Variants in TBCA observed in about 807,000 individuals in gnomAD.
The protein encoded by TBCA is tubulin folding cofactor A.
Under a neutral mutation model 15.8 loss-of-function variants are expected in TBCA, and 6 were observed. The observed-to-expected ratio is 0.38, with a 90% CI of 0.21 to 0.75. The LOEUF is 0.75. Ranked by LOEUF, TBCA falls within the 30% of genes least tolerant of loss-of-function variation. The pLI is 0.46. For missense variants in TBCA, 90 were observed against 131.2 expected, an observed-to-expected ratio of 0.69 and a Z score of 1.53; for synonymous variants, 32 against 42.3, an observed-to-expected ratio of 0.76 and a Z score of 0.94.
chr5:77,734,832 AG>A (rs1746860045), intron 1 of TBCA, among the ~76,000 whole-genome samples: 1 of 152,210 alleles, frequency 6.6e-6, no homozygotes, highest in African/African-American at 2.4e-5. Flanking sequence ...TCTTATTTTA[AG>A]AAATTGCCAC....
At chr5:77,711,615 T>C (rs2112443256) in intron 1 of TBCA, among the ~76,000 whole-genome samples, 1 of 152,268 alleles carries the variant, frequency 6.6e-6, no homozygotes, top group Non-Finnish European at 1.5e-5. Context: ...TATAAAACAA[T>C]TCTGAAGCAG....
chr5:77,752,031 T>C (rs909004053), intron 1 of TBCA, among the ~76,000 whole-genome samples: 2 of 152,196 alleles, frequency 1.3e-5, no homozygotes, highest in Non-Finnish European at 2.9e-5. Flanking sequence ...CTCCTGTGCA[T>C]CTGGATCACA....
chr5:77,712,604 T>C (rs1172209320), intron 1 of TBCA, among the ~76,000 whole-genome samples: 1 of 152,150 alleles, frequency 6.6e-6, no homozygotes, highest in African/African-American at 2.4e-5. Flanking sequence ...AAATCACTCA[T>C]AATCACTACA....
intron 1 of TBCA, among the ~76,000 whole-genome samples, chr5:77,735,628 A>T (rs928654495): frequency 3.3e-5 from 5 of 152,228 alleles, no homozygotes; most frequent in African/African-American, 1.2e-4. Context: ...TTCCTAAAAT[A>T]GGATTAATCA....
chr5:77,695,040 T>C (rs1211883649), intron 2 of TBCA, among the ~76,000 whole-genome samples: 1 of 152,220 alleles, frequency 6.6e-6, no homozygotes, highest in Non-Finnish European at 1.5e-5. Context: ...TCTTAGTGGC[T>C]TTTTCCTATT....
intron 1 of TBCA, among the ~76,000 whole-genome samples, chr5:77,762,111 A>G (rs994436116): frequency 5.9e-5 from 9 of 152,350 alleles, no homozygotes; most frequent in African/African-American, 2.2e-4. Context: ...GAAGGACAGT[A>G]GATACTGGAA....
At chr5:77,704,182 G>A (rs998937264) in intron 2 of TBCA, among the ~76,000 whole-genome samples, 3 of 152,210 alleles carry the variant, frequency 2.0e-5, no homozygotes, top group African/African-American at 7.2e-5. Context: ...CTAGCCCCAG[G>A]CTAGTCTCAA....
At chr5:77,705,030 G>C (rs1455653449) in intron 2 of TBCA, among the ~76,000 whole-genome samples, 1 of 152,132 alleles carries the variant, frequency 6.6e-6, no homozygotes, top group African/African-American at 2.4e-5. Context: ...AATGTAACTA[G>C]TGTGTGGCTG....
chr5:77,719,153 GC>G (rs371807634), intron 1 of TBCA, among the ~76,000 whole-genome samples: 114 of 152,248 alleles, frequency 7.5e-4, no homozygotes, highest in African/African-American at 2.6e-3. Flanking sequence ...ACTATCGTCA[GC>G]CTCATTTTCA....
intron 1 of TBCA, among the ~76,000 whole-genome samples, chr5:77,737,425 G>A (rs902464320): frequency 7.9e-5 from 12 of 152,160 alleles, no homozygotes; most frequent in Admixed American, 1.3e-4. Context: ...AGAAAGTACA[G>A]TATTCCATAA....
intron 1 of TBCA, among the ~76,000 whole-genome samples, chr5:77,775,134 A>G (rs254418): frequency 0.86 from 130,540 of 152,114 alleles, 56,467 homozygotes; most frequent in Non-Finnish European, 0.92. Flanking sequence ...TGGGACAAAG[A>G]ACAGAACTCA....
chr5:77,728,161 T>C (rs1054980570), intron 1 of TBCA, among the ~76,000 whole-genome samples: 2 of 152,102 alleles, frequency 1.3e-5, no homozygotes, highest in Non-Finnish European at 2.9e-5. Context: ...ATTAGAATAA[T>C]ACATTTCAAA....
intron 1 of TBCA, among the ~76,000 whole-genome samples, chr5:77,715,605 G>A (rs1330932207): frequency 6.6e-6 from 1 of 152,046 alleles, no homozygotes; most frequent in Non-Finnish European, 1.5e-5. Context: ...GCAACAAATG[G>A]TTATGGTTGT....
At chr5:77,745,832 T>C (rs1747173437) in intron 1 of TBCA, among the ~76,000 whole-genome samples, 1 of 152,218 alleles carries the variant, frequency 6.6e-6, no homozygotes, top group African/African-American at 2.4e-5. Context: ...CTAGCTATCA[T>C]TTCACATGTT....
chr5:77,691,584 G>A, intron 3 of TBCA, 86 bp from the exon 4 acceptor site: 1 of 1,437,740 alleles, frequency 7.0e-7, no homozygotes, highest in Non-Finnish European at 9.2e-7. Context: ...AACCATTAAT[G>A]TTAATAACTA....
chr5:77,767,242 C>G (rs1437927222), intron 1 of TBCA, among the ~76,000 whole-genome samples: 3 of 152,058 alleles, frequency 2.0e-5, no homozygotes, highest in Non-Finnish European at 4.4e-5. Flanking sequence ...AAAGCTGATG[C>G]CTACTTGCTC....
At chr5:77,737,904 T>C (rs1002389640) in intron 1 of TBCA, among the ~76,000 whole-genome samples, 1 of 152,230 alleles carries the variant, frequency 6.6e-6, no homozygotes, top group Non-Finnish European at 1.5e-5. Flanking sequence ...TAATTCATAA[T>C]ATAATTCATC....
At chr5:77,714,049 T>C (rs1040875767) in intron 1 of TBCA, among the ~76,000 whole-genome samples, 1 of 148,584 alleles carries the variant, frequency 6.7e-6, no homozygotes, top group Non-Finnish European at 1.5e-5. Flanking sequence ...GAATTTCCAG[T>C]GGCTCAACGC....
At chr5:77,696,746 ACT>A (rs986107898) in intron 2 of TBCA, among the ~76,000 whole-genome samples, 2 of 152,098 alleles carry the variant, frequency 1.3e-5, no homozygotes, top group Non-Finnish European at 2.9e-5. Flanking sequence ...ACACAGTGAA[ACT>A]CTGTTTACAA....
Sources: allele counts gnomAD v4.1 joint callset (sites outside exome capture counted in the v4.1 genomes callset), GRCh38; gene constraint gnomAD v4.1.1; transcripts MANE v1.5; gene names NCBI Gene and HGNC (gene_info 2026-07-23, HGNC 2026-07-21).